The following PTPRM variants were observed in gnomAD, a reference collection of about 807,000 sequenced individuals.
PTPRM encodes receptor-type tyrosine-protein phosphatase mu.
In PTPRM, 47 loss-of-function variants were observed where a neutral mutation model predicts 186.7. The ratio of observed to expected loss-of-function variants is 0.25; its 90% confidence interval spans 0.20 to 0.32. The LOEUF (loss-of-function observed/expected upper bound fraction) is 0.32, where lower values mean the gene tolerates loss of function less well. PTPRM is among the 10% of genes least tolerant of loss of function. The probability of loss-of-function intolerance (pLI) is 1.00; values close to 1 mark genes in which losing one functional copy is unlikely to be tolerated. For missense variants in PTPRM, 1,494 were observed against 1,865.0 expected (o/e 0.80, Z 3.66); for synonymous variants, 668 against 674.9 (o/e 0.99, Z 0.16).
chr18:8,005,005 G>A (rs1440675170), intron 7 of PTPRM, among the ~76,000 whole-genome samples: 1 of 152,174 alleles, frequency 6.6e-6, no homozygotes, highest in Non-Finnish European at 1.5e-5. Context: ...GACTCCAGCT[G>A]TCTGGTTATG....
intron 14 of PTPRM, among the ~76,000 whole-genome samples, chr18:8,212,697 C>T (rs2094023930): frequency 6.6e-6 from 1 of 152,236 alleles, no homozygotes; most frequent in South Asian, 2.1e-4. Flanking sequence ...GTCCCAGCTA[C>T]TCAGGAGCCT....
At chr18:7,820,320 A>G (rs2045116274) in intron 2 of PTPRM, among the ~76,000 whole-genome samples, 1 of 152,148 alleles carries the variant, frequency 6.6e-6, no homozygotes, top group Non-Finnish European at 1.5e-5. Context: ...CTCTGCTCAG[A>G]GGGTCAATTA....
chr18:7,661,090 C>A (rs1403084021), intron 1 of PTPRM, among the ~76,000 whole-genome samples: 1 of 152,144 alleles, frequency 6.6e-6, no homozygotes, highest in African/African-American at 2.4e-5. Context: ...TTTTGAAGAA[C>A]AGGACTATCT....
intron 7 of PTPRM, among the ~76,000 whole-genome samples, chr18:8,056,096 T>C (rs2087909164): frequency 6.6e-6 from 1 of 152,190 alleles, no homozygotes; most frequent in South Asian, 2.1e-4. Context: ...AATCAGAAAT[T>C]GTAATAATTA....
intron 14 of PTPRM, among the ~76,000 whole-genome samples, chr18:8,198,904 C>A (rs1176195426): frequency 6.6e-6 from 1 of 152,016 alleles, no homozygotes; most frequent in Non-Finnish European, 1.5e-5. Flanking sequence ...TCCATGTTAC[C>A]AATTATTATT....
intron 1 of PTPRM, among the ~76,000 whole-genome samples, chr18:7,644,833 A>T (rs1053817799): frequency 6.6e-6 from 1 of 152,160 alleles, no homozygotes; most frequent in Admixed American, 6.5e-5. Flanking sequence ...ACAGTAGAAG[A>T]TGATATACGC....
At chr18:7,801,933 A>G (rs2043992623) in intron 2 of PTPRM, among the ~76,000 whole-genome samples, 1 of 152,248 alleles carries the variant, frequency 6.6e-6, no homozygotes, top group African/African-American at 2.4e-5. Context: ...AGCATCACTG[A>G]GGAACTGAAG....
chr18:7,672,412 C>T (rs910992370), intron 1 of PTPRM, among the ~76,000 whole-genome samples: 4 of 151,772 alleles, frequency 2.6e-5, no homozygotes, highest in African/African-American at 9.7e-5. Context: ...AAAAATTAAA[C>T]GAAGACCTAG....
intron 2 of PTPRM, among the ~76,000 whole-genome samples, chr18:7,843,706 A>G (rs1462396844): frequency 1.3e-5 from 2 of 152,188 alleles, no homozygotes; most frequent in Non-Finnish European, 2.9e-5. Context: ...TATATAACAT[A>G]TGTATTTGTC....
intron 7 of PTPRM, among the ~76,000 whole-genome samples, chr18:8,010,641 G>GA (rs1330703760): frequency 1.3e-5 from 2 of 152,176 alleles, no homozygotes; most frequent in Non-Finnish European, 2.9e-5. Flanking sequence ...AAGGAGGATG[G>GA]AAGAGCCCAT....
chr18:8,292,312 C>T (rs1601667235), intron 19 of PTPRM, among the ~76,000 whole-genome samples: 1 of 152,042 alleles, frequency 6.6e-6, no homozygotes, highest in Non-Finnish European at 1.5e-5. Flanking sequence ...AGGAAAAAAA[C>T]ATTTTTAATC....
chr18:8,029,230 C>T (rs1235149280), intron 7 of PTPRM, among the ~76,000 whole-genome samples: 1 of 151,408 alleles, frequency 6.6e-6, no homozygotes, highest in African/African-American at 2.4e-5. Context: ...GTGCCCCTCC[C>T]CCACCTGTCC....
intron 7 of PTPRM, among the ~76,000 whole-genome samples, chr18:8,063,002 G>A (rs376870785): frequency 5.3e-5 from 8 of 150,566 alleles, no homozygotes; most frequent in East Asian, 3.9e-4. Context: ...CGAGCTTCCC[G>A]GCTGCTTTGT....
chr18:8,243,826 TG>T (rs1305987798), intron 14 of PTPRM, among the ~76,000 whole-genome samples: 4 of 152,158 alleles, frequency 2.6e-5, no homozygotes, highest in African/African-American at 9.7e-5. Context: ...TCTTTCTGGT[TG>T]TTTGGGGTTT....
chr18:7,840,831 A>T (rs984500430), intron 2 of PTPRM, among the ~76,000 whole-genome samples: 1 of 152,226 alleles, frequency 6.6e-6, no homozygotes, highest in African/African-American at 2.4e-5. Flanking sequence ...TGCCCTTGAA[A>T]ATCCAAGATG....
At chr18:7,999,359 G>A (rs1463874810) in intron 7 of PTPRM, among the ~76,000 whole-genome samples, 2 of 152,150 alleles carry the variant, frequency 1.3e-5, no homozygotes, top group Admixed American at 1.3e-4. Flanking sequence ...GAGTGAGACA[G>A]TGTTATTGAG....
intron 14 of PTPRM, among the ~76,000 whole-genome samples, chr18:8,197,271 T>C (rs922911797): frequency 2.6e-5 from 4 of 152,226 alleles, no homozygotes; most frequent in African/African-American, 9.6e-5. Context: ...ATTTACTCAG[T>C]GTTTTTTCAC....
chr18:8,253,470 G>A (rs1186511127), intron 19 of PTPRM, 56 bp downstream of exon 19: 1 of 1,346,194 alleles, frequency 7.4e-7, no homozygotes, highest in Non-Finnish European at 9.6e-7. Flanking sequence ...TCCATGCCAG[G>A]TACTGTGCTC....
At chr18:7,615,144 A>G (rs192919317) in intron 1 of PTPRM, among the ~76,000 whole-genome samples, 15 of 152,222 alleles carry the variant, frequency 9.9e-5, no homozygotes, top group African/African-American at 3.6e-4. Context: ...TAATTTTTCA[A>G]TTTGGGCAGC....
Sources: allele counts gnomAD v4.1 joint callset (sites outside exome capture counted in the v4.1 genomes callset), GRCh38; gene constraint gnomAD v4.1.1; transcripts MANE v1.5; gene names NCBI Gene and HGNC (gene_info 2026-07-23, HGNC 2026-07-21).